The following EXOC3 variants were observed in gnomAD, a reference collection of about 807,000 sequenced individuals.
The protein encoded by EXOC3 is SEC6-like 1.
In EXOC3, 21 loss-of-function variants were observed where a neutral mutation model predicts 73.7. The ratio of observed to expected loss-of-function variants is 0.29; its 90% CI spans 0.20 to 0.41. The LOEUF (loss-of-function observed/expected upper bound fraction) is 0.41. EXOC3 is among the 10% of genes least tolerant of loss of function. The pLI is 1.00. For missense variants in EXOC3, 842 were observed against 985.1 expected, an observed-to-expected ratio of 0.85 and a Z score of 1.95; for synonymous variants, 410 against 389.1, an observed-to-expected ratio of 1.05 and a Z score of -0.63.
intron 12 of EXOC3, chr5:466,205 C>T (rs1560941773): frequency 6.9e-6 from 2 of 289,866 alleles, no homozygotes; most frequent in East Asian, 8.3e-5. Context: ...ATGGTGGACT[C>T]GGGAGGGCCC....
intron 3 of EXOC3, among the ~76,000 whole-genome samples, chr5:452,186 C>T (rs930785499): frequency 6.6e-5 from 10 of 152,140 alleles, no homozygotes; most frequent in Non-Finnish European, 4.4e-5. Context: ...TGATGATGTC[C>T]ACAAGGTCCC....
chr5:443,946 A>C (rs999546092), intron 1 of EXOC3, among the ~76,000 whole-genome samples: 2 of 149,938 alleles, frequency 1.3e-5, no homozygotes, highest in East Asian at 4.0e-4. Context: ...GTGTCCTCCA[A>C]GGTGCAGGTG....
At chr5:444,162 C>T (rs924423206) in intron 1 of EXOC3, among the ~76,000 whole-genome samples, 4 of 152,222 alleles carry the variant, frequency 2.6e-5, no homozygotes, top group Admixed American at 2.0e-4. Context: ...GCGGAGCCAG[C>T]GCCAGGGGAA....
In EXOC3 at chr5:464,326, T is replaced by C. The variant is rs1050727804; in HGVS notation, c.1690T>C (p.Leu564=). 1 of 1,613,402 alleles carries C rather than the reference T, an allele frequency of 6.2e-7. No homozygotes were observed. Among genetic ancestry groups the C allele is most frequent in the Non-Finnish European group, 8.5e-7 (1 of 1,179,454 alleles). ...TGAATTGATGACGAAGAAGTGGCTA[T>C]TAGGGTCAAACGCTGTAGACATTAT... is the stretch of plus-strand genomic sequence containing the variant. ...LNELMTKKWL[L]GSNAVDIICV... The change falls in exon 10 of 13, where the codon TTA becomes CTA. Residue 564 remains leucine (L), a synonymous_variant. Transcript: ENST00000512944.
intron 3 of EXOC3, among the ~76,000 whole-genome samples, chr5:453,160 A>G (rs931850464): frequency 2.6e-5 from 4 of 152,202 alleles, no homozygotes; most frequent in Admixed American, 2.0e-4. Context: ...GAGAGCTGCA[A>G]ATGACCACAG....
Position 447,566 on chromosome 5 carries a change from A to G in EXOC3, c.178A>G (p.Thr60Ala), listed in dbSNP as rs373722379. ...CCAGTCACAGTTGGACGGGGTGCGCACAGGCCTCAGCCAGCTCCACAACGC... is the reference window on the plus strand; with the variant it reads ...CCAGTCACAGTTGGACGGGGTGCGCGCAGGCCTCAGCCAGCTCCACAACGC... ...AIQSQLDGVR[T>A]GLSQLHNALN... Residue 60 changes from threonine (T) to alanine (A), a missense_variant, in exon 3 of 13, where the codon ACA becomes GCA. Transcript: ENST00000512944. The G allele has an allele frequency of 3.2e-6, 5 of 1,587,258 alleles. No homozygotes were observed. In the African/African-American group the frequency reaches 4.0e-5, roughly 13 times the overall value.
intron 5 of EXOC3, chr5:457,638 C>G: frequency 5.5e-6 from 2 of 364,412 alleles, no homozygotes; most frequent in Non-Finnish European, 1.0e-5. Flanking sequence ...GCATGAGGTG[C>G]AGCCAAAAGG....
intron 3 of EXOC3, 141 bp downstream of exon 3, chr5:447,893 T>G (rs1313132992): frequency 3.2e-6 from 2 of 626,416 alleles, no homozygotes; most frequent in African/African-American, 3.7e-5. Flanking sequence ...CTCAGCGTCT[T>G]TTTTTGAACG....
At position 453,683 on chromosome 5, in the gene EXOC3, A is replaced by G. The variant is rs1386748161; in HGVS notation, c.678A>G (p.Ile226Met). The G allele has an allele frequency of 2.5e-6, 4 of 1,613,938 alleles. No individual in the cohort carries two copies. The highest frequency in any genetic ancestry group is 3.4e-6 in the Non-Finnish European group (4 of 1,179,896). Reference protein sequence around the residue: ...IEREEKIDRRILDRKKQTGFV... With the variant: ...IEREEKIDRRMLDRKKQTGFV... ...GGGAAGAGAAAATTGACAGGCGCAT[A>G]CTTGACCGGAAAAAGCAAACTGGCT... The change falls in exon 4 of 13, where the codon ATA (isoleucine) becomes ATG (methionine). Residue 226 changes from isoleucine to methionine, a missense_variant. By Grantham distance (10) the Ile-to-Met change is conservative (BLOSUM62 1). Transcript: ENST00000512944.
rs370666944 is a variant in EXOC3 at position 461,953 on chromosome 5, T to A, written c.1392-7T>A. 9 of 1,575,258 alleles carry A rather than the reference T, an allele frequency of 5.7e-6. No individual in the cohort carries two copies. The highest frequency in any genetic ancestry group is 3.3e-4 in the Middle Eastern group (2 of 6,040). ...GTGCTGTCTGACCGAAGCCTGTCTGTCCTCAGATATAAAGATGAAGCGCAG... is the reference window on the plus strand; with the variant it reads ...GTGCTGTCTGACCGAAGCCTGTCTGACCTCAGATATAAAGATGAAGCGCAG... On this transcript the variant is annotated splice_polypyrimidine_tract_variant and splice_region_variant and intron_variant, in intron 7 of 12. Transcript: ENST00000512944.
chr5:460,207 T>C (rs868665057), intron 7 of EXOC3, among the ~76,000 whole-genome samples: 3 of 152,222 alleles, frequency 2.0e-5, no homozygotes, highest in Non-Finnish European at 4.4e-5. Flanking sequence ...GTGAATCAGA[T>C]TGGACTGCAT....
chr5:466,625 CCT>C (rs1447194265), intron 12 of EXOC3, 100 bp from the exon 13 acceptor site: 14 of 1,203,150 alleles, frequency 1.2e-5, no homozygotes, highest in African/African-American at 6.0e-5. Context: ...GTCCTCACCC[CCT>C]GTGTTCTGTC....
At position 466,091 on chromosome 5, in the gene EXOC3, T is replaced by C. The variant is rs569889974; in HGVS notation, c.2066+246T>C. Reference sequence around the variant, plus strand: ...AGGGGCACATCCCGGGTGGGGACAGTGGGGTGGGGGCGGGGCTGTGACAGC... The same window carrying C: ...AGGGGCACATCCCGGGTGGGGACAGCGGGGTGGGGGCGGGGCTGTGACAGC... On this transcript the variant is annotated intron_variant, in intron 12 of 12. Coordinates refer to ENST00000512944, the MANE Select transcript of EXOC3 (RefSeq NM_007277.5). 105 of 180,800 alleles carry C rather than the reference T, an allele frequency of 5.8e-4. 2 individuals carry two copies. The highest frequency in any genetic ancestry group is 3.8e-3 in the African/African-American group (104 of 27,680). 11.2% of individuals were successfully genotyped at this position (180,800 alleles called of 1,614,324 possible). A position where few individuals can be genotyped will look rare whatever the true frequency, so the allele number is the denominator to read the frequency against.
chr5:464,471 T>C, intron 10 of EXOC3, 59 bp downstream of exon 10: 1 of 1,580,484 alleles, frequency 6.3e-7, no homozygotes, highest in Non-Finnish European at 8.7e-7. Context: ...CCTCTCACCC[T>C]GCTCAGAATT....
In EXOC3 at chr5:458,051, G is replaced by T. The variant is rs747525097; in HGVS notation, c.1290+26G>T. ...GTACCACCTGCAGGGGACTGGCACA[G>T]TTCCGTTTCCTAGGTGGATAGTGGG... On this transcript the variant is annotated intron_variant, in intron 6 of 12. Transcript: ENST00000512944. 2.5e-6 allele frequency: 4 copies of T among 1,607,022 alleles called. No homozygotes were observed. The South Asian group carries it at 4.5e-5, about 18-fold the overall frequency.
intron 12 of EXOC3, 176 bp downstream of exon 12, chr5:466,021 T>C (rs1174246853): frequency 3.2e-5 from 18 of 560,944 alleles, no homozygotes; most frequent in Non-Finnish European, 4.8e-5. Flanking sequence ...GCTTCTGTGC[T>C]GCCTTCCACC....
chr5:453,433 G>A lies in EXOC3; in HGVS notation c.428G>A (p.Arg143Gln), dbSNP rs562227555. ...CAAGGGGCACTCCTGCAAGCCCACC[G>A]GAAGCTGATGGACCTGGAGTGCTCC... ...IEQGALLQAH[R>Q]KLMDLECSRD... Residue 143 changes from arginine to glutamine, a missense_variant, in exon 4 of 13, where the codon CGG becomes CAG. Coordinates refer to ENST00000512944, the MANE Select transcript of EXOC3 (RefSeq NM_007277.5). 1.9e-5 allele frequency: 31 copies of A among 1,608,270 alleles called. No individual in the cohort carries two copies. The highest frequency in any genetic ancestry group is 5.3e-5 in the African/African-American group (4 of 74,912).
In EXOC3 at chr5:465,230, G is replaced by T; in HGVS notation, c.1896G>T (p.Arg632Ser). The T allele has an allele frequency of 6.3e-7, 1 of 1,592,824 alleles. No individual in the cohort carries two copies. The highest frequency in any genetic ancestry group is 2.3e-5 in the East Asian group (1 of 43,822). The change falls in exon 11 of 13, where the codon AGG becomes AGT. Residue 632 changes from arginine to serine, a missense_variant. Transcript: ENST00000512944. ...ERKEGAEKMVREAEQLRFLFR... is the reference protein window; with the variant it reads ...ERKEGAEKMVSEAEQLRFLFR... ...AGGAGGGTGCCGAGAAGATGGTTAG[G>T]GAGGCAGAGCAGCTGCGCTTCCTGT...
At chr5:457,790 C>G in intron 5 of EXOC3, 110 bp from the exon 6 acceptor site, 1 of 1,207,668 alleles carries the variant, frequency 8.3e-7, no homozygotes, top group Non-Finnish European at 1.1e-6. Flanking sequence ...ACGCTGGTGC[C>G]CTGTGTCTGG....
Sources: gnomAD v4.1 joint callset for allele counts (sites outside exome capture counted in the v4.1 genomes callset) on GRCh38, gnomAD v4.1.1 for gene constraint, MANE v1.5 for transcripts, NCBI Gene and HGNC (gene_info 2026-07-23, HGNC 2026-07-21) for gene names.